Variants in DOCK8 observed in about 807,000 individuals in gnomAD.
DOCK8 encodes the protein dedicator of cytokinesis protein 8.
A neutral mutation model predicts 245.6 loss-of-function variants in DOCK8; 141 were observed. The ratio of observed to expected loss-of-function variants is 0.57; its 90% CI spans 0.50 to 0.66. The LOEUF is 0.66. Ranked by LOEUF, DOCK8 falls within the 30% of genes least tolerant of loss-of-function variation. The probability of loss-of-function intolerance (pLI) is 0.00; values close to 1 mark genes in which losing one functional copy is unlikely to be tolerated. For missense variants in DOCK8, 2,965 were observed against 2,603.4 expected (o/e 1.14, Z -3.02); for synonymous variants, 1,168 against 970.2 (o/e 1.20, Z -3.79).
At chr9:284,030 A>G (rs866159264) in intron 2 of DOCK8, among the ~76,000 whole-genome samples, 21 of 152,222 alleles carry the variant, frequency 1.4e-4, no homozygotes, top group Non-Finnish European at 2.9e-5. Flanking sequence ...AATGCTCAAT[A>G]ATTATTACTT....
At chr9:404,245 A>G (rs2055310618) in intron 26 of DOCK8, among the ~76,000 whole-genome samples, 1 of 151,818 alleles carries the variant, frequency 6.6e-6, no homozygotes, top group African/African-American at 2.4e-5. Flanking sequence ...TCTTCCAGAC[A>G]GTCACCTTTT....
At position 371,605 on chromosome 9, in the gene DOCK8, T is replaced by C. The variant is rs552690002; in HGVS notation, c.2007+39T>C. 1.9e-6 allele frequency: 3 copies of C among 1,613,618 alleles called. No homozygotes were observed. The African/African-American group carries it at 4.0e-5, about 22-fold the overall frequency. The stretch of plus-strand genomic sequence containing the variant: ...AGCCTGCTGACTCACACTGCAGTTG[T>C]TGGTGCATCTGAGGTCCCTGCAGAG... On this transcript the variant is annotated intron_variant, in intron 17 of 47. Coordinates refer to ENST00000432829, the MANE Select transcript of DOCK8 (RefSeq NM_203447.4).
intron 5 of DOCK8, among the ~76,000 whole-genome samples, chr9:310,253 G>A (rs2050035773): frequency 7.7e-6 from 1 of 129,310 alleles, no homozygotes; most frequent in African/African-American, 3.1e-5. Flanking sequence ...GCCAAAAAAT[G>A]TGAAACTCCG....
chr9:423,735 C>G (rs556794261), intron 33 of DOCK8, among the ~76,000 whole-genome samples: 1 of 152,126 alleles, frequency 6.6e-6, no homozygotes, highest in Non-Finnish European at 1.5e-5. Flanking sequence ...ATACTTGGAT[C>G]GGAGAGTCCA....
At chr9:367,424 T>C (rs2053060754) in intron 14 of DOCK8, among the ~76,000 whole-genome samples, 2 of 152,134 alleles carry the variant, frequency 1.3e-5, no homozygotes, top group South Asian at 2.1e-4. Context: ...AAGAAAAATA[T>C]ATGCAAGTTA....
intron 1 of DOCK8, among the ~76,000 whole-genome samples, chr9:246,363 TTAAA>T (rs2047506147): frequency 3.3e-5 from 5 of 149,990 alleles, no homozygotes; most frequent in African/African-American, 1.3e-4. Context: ...TACAAAAAAA[TTAAA>T]ATTAAAATTA....
intron 1 of DOCK8, among the ~76,000 whole-genome samples, chr9:261,819 T>C (rs1387806710): frequency 2.0e-5 from 3 of 152,210 alleles, no homozygotes; most frequent in Non-Finnish European, 4.4e-5. Flanking sequence ...TCCTGGTGGA[T>C]TGCCCTTTGA....
intron 4 of DOCK8, among the ~76,000 whole-genome samples, chr9:297,189 T>C (rs2049293595): frequency 6.6e-6 from 1 of 152,174 alleles, no homozygotes; most frequent in South Asian, 2.1e-4. Flanking sequence ...TATTATTTTC[T>C]AATCCTCACA....
intron 2 of DOCK8, among the ~76,000 whole-genome samples, chr9:283,980 T>TTGAA (rs2048705040): frequency 6.6e-6 from 1 of 152,168 alleles, no homozygotes. Flanking sequence ...ATAGTGAGGA[T>TTGAA]TGAATGAGAC....
At chr9:435,669 G>C (rs1267629509) in intron 39 of DOCK8, among the ~76,000 whole-genome samples, 3 of 152,226 alleles carry the variant, frequency 2.0e-5, no homozygotes, top group Non-Finnish European at 4.4e-5. Context: ...GGCTGAATCA[G>C]TACCTTCTTA....
rs935015017 is a variant in DOCK8 at position 337,500 on chromosome 9, G to T, written c.1422+782G>T. ...AGTCTGGCTGGGCCATCTCCTTCCC[G>T]GTGGATCTCAGGGTTTCTTGGCCTG... On this transcript the variant is annotated intron_variant, in intron 12 of 47. Transcript: ENST00000432829. Among the ~76,000 whole-genome samples, 6 of 152,072 alleles carry T rather than the reference G, an allele frequency of 3.9e-5. No individual in the cohort carries two copies. In the East Asian group the frequency reaches 1.2e-3, roughly 29 times the overall value.
chr9:439,532 G>T (rs894823452), intron 40 of DOCK8, 144 bp downstream of exon 40: 3 of 1,081,186 alleles, frequency 2.8e-6, no homozygotes, highest in African/African-American at 1.6e-5. Context: ...GGATGGGCCC[G>T]GGGAGGACTT....
chr9:458,082 G>C (rs2057697533), intron 46 of DOCK8: 1 of 152,196 alleles, frequency 6.6e-6, no homozygotes, highest in South Asian at 2.1e-4. Context: ...ACAGAAGGAA[G>C]AGTAGCTTAA....
intron 1 of DOCK8, among the ~76,000 whole-genome samples, chr9:265,059 G>A (rs2048005979): frequency 1.3e-5 from 2 of 152,108 alleles, no homozygotes; most frequent in African/African-American, 4.8e-5. Flanking sequence ...AACCTCCCGA[G>A]TAGCTGGGAT....
intron 26 of DOCK8, among the ~76,000 whole-genome samples, chr9:400,151 T>TCACCACCACCACCACCTC (rs1564012454): frequency 8.4e-5 from 1 of 11,922 alleles, no homozygotes; most frequent in Non-Finnish European, 1.5e-4. Context: ...ACCTCCACCA[T>TCACCACCACCACCACCTC]CACCACCACC....
chr9:332,707 G>A (rs917294282), intron 10 of DOCK8, among the ~76,000 whole-genome samples: 1 of 144,874 alleles, frequency 6.9e-6, no homozygotes, highest in South Asian at 2.2e-4. Context: ...TCCCAGGCTG[G>A]AGTGCTGGAG....
In DOCK8 at chr9:215,107, C is replaced by T. The variant is rs750570511; in HGVS notation, c.53+78C>T. On this transcript the variant is annotated intron_variant, in intron 1 of 47. Coordinates refer to ENST00000432829, the MANE Select transcript of DOCK8 (RefSeq NM_203447.4). ...GTGAAGCGGAGCTTCGCTGCAGGGG[C>T]CGAGGCCGGACGAGTCCATTCGCGT... 4.6e-6 allele frequency: 7 copies of T among 1,507,508 alleles called. No homozygotes were observed. In the Admixed American group the frequency reaches 1.1e-4, roughly 23 times the overall value. 93.4% of individuals were successfully genotyped at this position (1,507,508 alleles called of 1,614,324 possible). A position where few individuals can be genotyped will look rare whatever the true frequency, so the allele number is the denominator to read the frequency against.
chr9:307,338 GTTTTTTTTTTTTT>G (rs1165775428), intron 5 of DOCK8, among the ~76,000 whole-genome samples: 3 of 51,216 alleles, frequency 5.9e-5, no homozygotes, highest in Non-Finnish European at 8.6e-5. Flanking sequence ...GGTTTTTTTT[GTTTTTTTTTTTTT>G]TTTTTTTTTT....
intron 2 of DOCK8, among the ~76,000 whole-genome samples, 187 bp downstream of exon 2, chr9:271,916 G>T (rs950840008): frequency 3.9e-5 from 6 of 152,068 alleles, no homozygotes; most frequent in African/African-American, 1.4e-4. Context: ...CCGGTACTTA[G>T]GGTACATAAT....
Sources: gnomAD v4.1 joint callset for allele counts (sites outside exome capture counted in the v4.1 genomes callset) on GRCh38, gnomAD v4.1.1 for gene constraint, MANE v1.5 for transcripts, NCBI Gene and HGNC (gene_info 2026-07-23, HGNC 2026-07-21) for gene names.